DLG2: variants seen among roughly 807,000 people sequenced by gnomAD.
DLG2 encodes the protein disks large homolog 2.
In DLG2, 45 loss-of-function variants were observed where a neutral mutation model predicts 132.5. That is an observed-to-expected ratio of 0.34 (90% CI 0.27 to 0.44). DLG2 has a LOEUF of 0.44. Ranked by LOEUF, DLG2 falls within the 20% of genes least tolerant of loss-of-function variation. The probability of loss-of-function intolerance (pLI) is 1.00; values close to 1 mark genes in which losing one functional copy is unlikely to be tolerated. For synonymous variants in DLG2, 424 were observed against 419.6 expected (o/e 1.01, Z -0.13); for missense variants, 1,045 against 1,196.9 (o/e 0.87, Z 1.87).
chr11:84,549,234 C>T (rs2099396843), intron 6 of DLG2, among the ~76,000 whole-genome samples: 1 of 152,190 alleles, frequency 6.6e-6, no homozygotes, highest in Admixed American at 6.5e-5. Context: ...GAAATCAAAG[C>T]AATGATTTGG....
chr11:83,495,087 G>T (rs1054659865), intron 21 of DLG2, among the ~76,000 whole-genome samples: 5 of 152,076 alleles, frequency 3.3e-5, no homozygotes, highest in Admixed American at 6.6e-5. Context: ...CACTCTTTGG[G>T]TTCAAGCTAA....
chr11:84,142,028 G>T (rs138546973), intron 9 of DLG2, among the ~76,000 whole-genome samples: 2,058 of 152,112 alleles, frequency 0.014, 46 homozygotes, highest in African/African-American at 0.047. Context: ...TGCTGGCCGG[G>T]CATGATGGCT....
intron 19 of DLG2, among the ~76,000 whole-genome samples, chr11:83,564,395 T>C (rs891639619): frequency 2.6e-5 from 4 of 152,196 alleles, no homozygotes; most frequent in Non-Finnish European, 5.9e-5. Flanking sequence ...GACTAGCTCG[T>C]GGCCTTGCTT....
At chr11:84,201,357 T>C (rs114946412) in intron 8 of DLG2, among the ~76,000 whole-genome samples, 24 of 152,346 alleles carry the variant, frequency 1.6e-4, no homozygotes, top group African/African-American at 4.8e-4. Flanking sequence ...TAGTACTTTA[T>C]TGAGGTTTTT....
chr11:84,359,032 A>T (rs2098634612), intron 7 of DLG2, among the ~76,000 whole-genome samples: 1 of 151,936 alleles, frequency 6.6e-6, no homozygotes. Context: ...ATATGAGTAT[A>T]TATAACAACA....
At chr11:84,032,273 G>A (rs927798268) in intron 11 of DLG2, among the ~76,000 whole-genome samples, 47 of 152,170 alleles carry the variant, frequency 3.1e-4, no homozygotes, top group African/African-American at 1.0e-3. Flanking sequence ...ATGCCAAACA[G>A]CCAAGTTGTA....
intron 19 of DLG2, chr11:83,632,601 G>C (rs2063758046): frequency 6.6e-6 from 1 of 152,246 alleles, no homozygotes; most frequent in South Asian, 2.1e-4. Flanking sequence ...TGAAAGACTG[G>C]AAGGCATTTC....
chr11:84,558,814 C>A (rs1222960816), intron 6 of DLG2, among the ~76,000 whole-genome samples: 1 of 152,102 alleles, frequency 6.6e-6, no homozygotes, highest in African/African-American at 2.4e-5. Context: ...TCCTTATCTT[C>A]TTTATTTTTT....
chr11:84,625,253 T>C (rs1278005682), intron 6 of DLG2, among the ~76,000 whole-genome samples: 1 of 152,136 alleles, frequency 6.6e-6, no homozygotes, highest in Non-Finnish European at 1.5e-5. Flanking sequence ...AGCCAATGCA[T>C]GTTCCTAGGA....
At chr11:85,351,006 G>A (rs2083248076) in intron 3 of DLG2, among the ~76,000 whole-genome samples, 1 of 152,106 alleles carries the variant, frequency 6.6e-6, no homozygotes, top group Non-Finnish European at 1.5e-5. Context: ...GGGCAGTATG[G>A]CCATTTGCAT....
intron 4 of DLG2, among the ~76,000 whole-genome samples, chr11:85,192,118 G>A (rs760169925): frequency 1.4e-4 from 21 of 152,270 alleles, no homozygotes; most frequent in Non-Finnish European, 3.1e-4. Flanking sequence ...TTCGCGTACA[G>A]GCTTTGGAGA....
intron 5 of DLG2, among the ~76,000 whole-genome samples, chr11:85,121,308 C>T (rs631370): frequency 0.68 from 103,132 of 151,160 alleles, 35,999 homozygotes; most frequent in East Asian, 0.93. Context: ...TTCTATTGCA[C>T]ACCTTTCTAA....
At chr11:84,730,176 G>A (rs2062986969) in intron 6 of DLG2, among the ~76,000 whole-genome samples, 1 of 151,896 alleles carries the variant, frequency 6.6e-6, no homozygotes, top group Non-Finnish European at 1.5e-5. Context: ...GATAAAAGTT[G>A]GATCTATGTT....
At chr11:84,749,674 C>A (rs1447692567) in intron 6 of DLG2, among the ~76,000 whole-genome samples, 2 of 152,054 alleles carry the variant, frequency 1.3e-5, no homozygotes, top group Non-Finnish European at 2.9e-5. Flanking sequence ...TTTCTCAGAA[C>A]CTATCCCTCT....
chr11:85,460,564 A>T (rs2092574282), intron 3 of DLG2, among the ~76,000 whole-genome samples: 1 of 152,168 alleles, frequency 6.6e-6, no homozygotes, highest in Non-Finnish European at 1.5e-5. Context: ...GATGAACCCT[A>T]ATGTTTCCAT....
intron 4 of DLG2, among the ~76,000 whole-genome samples, chr11:85,228,661 A>T (rs2152635496): frequency 6.6e-6 from 1 of 151,642 alleles, no homozygotes; most frequent in African/African-American, 2.4e-5. Flanking sequence ...TCTTTTTTTG[A>T]TGGCTGTTAC....
intron 4 of DLG2, among the ~76,000 whole-genome samples, chr11:85,265,171 A>G (rs1293433016): frequency 6.6e-6 from 1 of 152,140 alleles, no homozygotes; most frequent in Non-Finnish European, 1.5e-5. Context: ...GGACAAATGC[A>G]CTATCTATAT....
chr11:85,477,946 T>C (rs1050053108), intron 3 of DLG2, among the ~76,000 whole-genome samples: 1 of 152,194 alleles, frequency 6.6e-6, no homozygotes, highest in Non-Finnish European at 1.5e-5. Context: ...GGTAGAAATA[T>C]TTAAACTAAC....
At position 84,742,254 on chromosome 11, in the gene DLG2, C is replaced by T. The variant is rs965976079; in HGVS notation, c.358-207523G>A. ...AATAAAATAATAGCTGAAAACTTCT[C>T]AAGACTTGGAAGAGTCATAGACATT... On this transcript the variant is annotated intron_variant, in intron 6 of 27. Coordinates refer to ENST00000376104, the MANE Select transcript of DLG2 (RefSeq NM_001142699.3). 3.3e-5 allele frequency among the ~76,000 whole-genome samples: 5 copies of T among 152,094 alleles called. No individual in the cohort carries two copies. In the East Asian group the frequency reaches 9.6e-4, roughly 29 times the overall value.
Sources: gnomAD v4.1 joint callset for allele counts (sites outside exome capture counted in the v4.1 genomes callset) on GRCh38, gnomAD v4.1.1 for gene constraint, MANE v1.5 for transcripts, NCBI Gene and HGNC (gene_info 2026-07-23, HGNC 2026-07-21) for gene names.